ASMT: variants seen among roughly 807,000 people sequenced by gnomAD.
ASMT encodes the protein acetylserotonin N-methyltransferase.
In ASMT, 53 loss-of-function variants were observed where a neutral mutation model predicts 41.3. That is an observed-to-expected ratio of 1.28 (90% CI 1.03 to 1.61). ASMT has a LOEUF of 1.61. ASMT is among the 40% of genes most tolerant of loss of function. The pLI is 0.00. For synonymous variants in ASMT, 231 were observed against 184.8 expected (o/e 1.25, Z -2.03); for missense variants, 531 against 441.3 (o/e 1.20, Z -1.82).
chrX:1,642,868 C>T lies in ASMT; in HGVS notation c.976C>T (p.Leu326Phe), dbSNP rs121918822. The part of the protein sequence containing the change: ...EDRRGPLLTQ[L>F]YSLNMLVQTE... Reference sequence around the variant, plus strand: ...CAGGCGAGGTCCTCTGCTCACGCAGCTCTACTCTCTGAACATGCTTGTGCA... The same window carrying T: ...CAGGCGAGGTCCTCTGCTCACGCAGTTCTACTCTCTGAACATGCTTGTGCA... Residue 326 changes from leucine to phenylalanine, a missense_variant, in exon 9 of 9, where the codon CTC becomes TTC. Leu to Phe is a conservative substitution (Grantham distance 22). Coordinates refer to ENST00000381241, the MANE Select transcript of ASMT (RefSeq NM_001171038.2). 1.7e-3 allele frequency: 2,717 copies of T among 1,613,988 alleles called. 11 individuals carry two copies. The highest frequency in any genetic ancestry group is 2.4e-3 in the South Asian group (216 of 91,076).
intron 7 of ASMT, among the ~76,000 whole-genome samples, chrX:1,635,351 G>A (rs1426866126): frequency 3.3e-5 from 5 of 152,044 alleles, no homozygotes; most frequent in East Asian, 1.9e-4. Context: ...ATCATTTTGC[G>A]GGAAAACTAT....
chrX:1,629,971 G>T (rs370814726), intron 5 of ASMT, 32 bp downstream of exon 5: 3 of 1,555,310 alleles, frequency 1.9e-6, no homozygotes, highest in Admixed American at 1.7e-5. Flanking sequence ...TACCTCGGAG[G>T]TGTGGCTTCT....
At chrX:1,625,522 GA>G (rs1306247174) in intron 3 of ASMT, among the ~76,000 whole-genome samples, 9 of 137,318 alleles carry the variant, frequency 6.6e-5, no homozygotes, top group Non-Finnish European at 1.4e-4. Flanking sequence ...AAGAGAGAGA[GA>G]GGGGAGAAGG....
At chrX:1,628,191 G>A (rs1434378737) in intron 4 of ASMT, among the ~76,000 whole-genome samples, 2 of 152,138 alleles carry the variant, frequency 1.3e-5, no homozygotes, top group Admixed American at 6.5e-5. Flanking sequence ...CGTGGTGGCG[G>A]ACGCCTGTAA....
chrX:1,627,804 G>C, intron 4 of ASMT, 33 bp downstream of exon 4: 1 of 1,594,908 alleles, frequency 6.3e-7, no homozygotes, highest in Non-Finnish European at 8.6e-7. Context: ...CAACAACTCA[G>C]ATAAGATTCT....
chrX:1,618,278 C>T (rs1934211218), intron 1 of ASMT, among the ~76,000 whole-genome samples: 1 of 152,170 alleles, frequency 6.6e-6, no homozygotes, highest in Non-Finnish European at 1.5e-5. Flanking sequence ...ATTCCCCTGC[C>T]TTAGCCTCCT....
chrX:1,632,198 C>T (rs1228707861), intron 5 of ASMT, among the ~76,000 whole-genome samples: 9 of 152,120 alleles, frequency 5.9e-5, no homozygotes, highest in South Asian at 2.1e-4. Context: ...AGCTGTTGGC[C>T]GCCCTTGGCT....
rs756255262 is a variant in ASMT, at chrX:1,625,725, C to T, written c.374+1327C>T. 2.3e-3 allele frequency among the ~76,000 whole-genome samples: 354 copies of T among 151,552 alleles called. 1 individual carries two copies. Among genetic ancestry groups the T allele is most frequent in the South Asian group, 0.015 (74 of 4,788 alleles). On this transcript the variant is annotated intron_variant, in intron 3 of 8. Transcript: ENST00000381241. ...ATCCCAGCACTTTGGGAGGCTGAGG[C>T]GGGCGGATCACGAGGTCAGGAGATC...
chrX:1,637,006 G>GATAA (rs1935005320), intron 8 of ASMT, among the ~76,000 whole-genome samples: 43 of 38,912 alleles, frequency 1.1e-3, no homozygotes, highest in East Asian at 9.5e-3. Flanking sequence ...GTGTGTGATG[G>GATAA]GGACAGTGTC....
At chrX:1,633,425 T>C in intron 7 of ASMT, 135 bp downstream of exon 7, 1 of 987,046 alleles carries the variant, frequency 1.0e-6, no homozygotes, top group South Asian at 1.3e-5. Flanking sequence ...CAACACTGTC[T>C]GTTATTCATG....
chrX:1,618,609 G>A (rs1934223544), intron 1 of ASMT, among the ~76,000 whole-genome samples: 1 of 151,268 alleles, frequency 6.6e-6, no homozygotes, highest in African/African-American at 2.4e-5. Flanking sequence ...CTAATTTTTT[G>A]TATTTTTGGT....
intron 1 of ASMT, among the ~76,000 whole-genome samples, chrX:1,621,176 A>C (rs1934325575): frequency 6.6e-6 from 1 of 152,132 alleles, no homozygotes; most frequent in Non-Finnish European, 1.5e-5. Flanking sequence ...AGCTAACTGT[A>C]AGTATCCTGG....
chrX:1,625,343 A>G (rs752778760), intron 3 of ASMT, among the ~76,000 whole-genome samples: 1 of 151,370 alleles, frequency 6.6e-6, no homozygotes, highest in African/African-American at 2.4e-5. Context: ...TGACCTCGTG[A>G]TCTGCCTGCC....
intron 1 of ASMT, 112 bp from the exon 2 acceptor site, chrX:1,623,027 A>G: frequency 8.9e-6 from 9 of 1,009,684 alleles, no homozygotes; most frequent in Middle Eastern, 3.1e-4. Flanking sequence ...ATGAATAAGA[A>G]TATAAATAAA....
chrX:1,621,375 TG>T (rs1934332352), intron 1 of ASMT, among the ~76,000 whole-genome samples: 1 of 151,906 alleles, frequency 6.6e-6, no homozygotes, highest in Non-Finnish European at 1.5e-5. Context: ...TGGAGTGCAG[TG>T]GCGCGATCTT....
chrX:1,627,906 C>A, intron 4 of ASMT, 135 bp downstream of exon 4: 1 of 853,748 alleles, frequency 1.2e-6, no homozygotes, highest in South Asian at 1.4e-5. Context: ...ATAACATCCC[C>A]TATCCCCACT....
chrX:1,630,552 G>A (rs750557789), intron 5 of ASMT, among the ~76,000 whole-genome samples: 8 of 151,894 alleles, frequency 5.3e-5, no homozygotes, highest in Middle Eastern at 3.4e-3. Flanking sequence ...TGATCCACCC[G>A]CCTCGGTCTT....
chrX:1,628,789 C>T (rs1288215507), intron 4 of ASMT, among the ~76,000 whole-genome samples: 1 of 144,254 alleles, frequency 6.9e-6, no homozygotes, highest in African/African-American at 2.6e-5. Flanking sequence ...CGCCTCCCTT[C>T]CCCTCCCTTC....
intron 1 of ASMT, among the ~76,000 whole-genome samples, chrX:1,618,309 G>T (rs1265566149): frequency 6.6e-6 from 1 of 152,040 alleles, no homozygotes; most frequent in Non-Finnish European, 1.5e-5. Context: ...GATTTCAGGC[G>T]TCCACCACCA....
Sources: allele counts gnomAD v4.1 joint callset (sites outside exome capture counted in the v4.1 genomes callset), GRCh38; gene constraint gnomAD v4.1.1; transcripts MANE v1.5; gene names NCBI Gene and HGNC (gene_info 2026-07-23, HGNC 2026-07-21).